Variants in CEP43 observed in about 807,000 individuals in gnomAD.
CEP43 encodes the protein FGFR1 oncogene partner.
Under a neutral mutation model 52.6 loss-of-function variants are expected in CEP43, and 36 were observed. The observed-to-expected ratio is 0.68, with a 90% confidence interval of 0.52 to 0.90. The LOEUF (loss-of-function observed/expected upper bound fraction) is 0.90, where lower values mean the gene tolerates loss of function less well. Among genes scored for constraint, CEP43 ranks in the 40% least tolerant of loss-of-function variants. The pLI is 0.00. For missense variants in CEP43, 506 were observed against 472.8 expected (o/e 1.07, Z -0.65); for synonymous variants, 192 against 172.4 (o/e 1.11, Z -0.89).
Position 167,033,797 on chromosome 6 carries a change from C to G in CEP43, c.1029-78C>G, listed in dbSNP as rs530713365. On this transcript the variant is annotated intron_variant, in intron 11 of 12. Coordinates refer to ENST00000366847, the MANE Select transcript of CEP43 (RefSeq NM_007045.4). ...TTACTTAAAGGATTAAAAGAAATAT[C>G]TGAATGTTTAAAGAATAGTAATCTC... 2.8e-5 allele frequency: 17 copies of G among 607,834 alleles called. No individual in the cohort carries two copies. In the East Asian group the frequency reaches 5.1e-4, roughly 18 times the overall value. The allele number at this position is 607,834 out of a possible 1,614,324, so 37.7% of individuals were successfully genotyped here. A position where few individuals can be genotyped will look rare whatever the true frequency, so the allele number is the denominator to read the frequency against.
Position 167,040,356 on chromosome 6 carries a change from A to G in CEP43, c.*378A>G. 2 of 1,395,534 alleles carry G rather than the reference A, an allele frequency of 1.4e-6. No individual in the cohort carries two copies. Among genetic ancestry groups the G allele is most frequent in the Non-Finnish European group, 1.9e-6 (2 of 1,079,044 alleles). 86.4% of individuals were successfully genotyped at this position (1,395,534 alleles called of 1,614,324 possible). On this transcript the variant is annotated 3_prime_UTR_variant, in exon 13 of 13. Coordinates refer to ENST00000366847, the MANE Select transcript of CEP43 (RefSeq NM_007045.4). ...TGGCTGCTGGTACGTGTGATCTTTGAAAACCTTGGCTTTAGCCCTCTGGAA... is the reference window on the plus strand; with the variant it reads ...TGGCTGCTGGTACGTGTGATCTTTGGAAACCTTGGCTTTAGCCCTCTGGAA...
At chr6:166,999,796 C>CGGG (rs1779686663) in intron 1 of CEP43, 1 of 527,214 alleles carries the variant, frequency 1.9e-6, no homozygotes, top group African/African-American at 2.0e-5. Flanking sequence ...GCCACACGGG[C>CGGG]GGCCCGCAGC....
At chr6:167,016,371 GC>G (rs1311756785) in intron 7 of CEP43, among the ~76,000 whole-genome samples, 2 of 152,150 alleles carry the variant, frequency 1.3e-5, no homozygotes, top group African/African-American at 4.8e-5. Flanking sequence ...GCCCACTTCA[GC>G]CTCTTGGGTA....
At chr6:167,030,958 C>G (rs1411399735) in intron 10 of CEP43, among the ~76,000 whole-genome samples, 1 of 152,060 alleles carries the variant, frequency 6.6e-6, no homozygotes, top group South Asian at 2.1e-4. Context: ...CCCTTCTGAT[C>G]GCCACTCCTT....
chr6:167,047,542 A>G lies in CEP43; in HGVS notation c.*7564A>G, dbSNP rs184935088. ...TTGGCAAGTCACTAGTACTCAGTAA[A>G]TACTATTTTTATTAAGAAGGTAAGA... On this transcript the variant is annotated 3_prime_UTR_variant, in exon 13 of 13. Transcript: ENST00000366847. The G allele has an allele frequency of 2.0e-3, 303 of 152,260 alleles. 1 individual carries two copies. The highest frequency in any genetic ancestry group is 7.1e-3 in the African/African-American group (294 of 41,548). 9.4% of individuals were successfully genotyped at this position (152,260 alleles called of 1,614,324 possible). A position where few individuals can be genotyped will look rare whatever the true frequency, so the allele number is the denominator to read the frequency against.
In CEP43 at chr6:167,032,613, A is replaced by G; in HGVS notation, c.999A>G (p.Glu333=). The G allele has an allele frequency of 7.0e-6, 11 of 1,580,854 alleles. No individual in the cohort carries two copies. The highest frequency in any genetic ancestry group is 9.5e-6 in the Non-Finnish European group (11 of 1,159,822). The change falls in exon 11 of 13, where the codon GAA becomes GAG. Residue 333 remains glutamate (E), a synonymous_variant. Coordinates refer to ENST00000366847, the MANE Select transcript of CEP43 (RefSeq NM_007045.4). The part of the protein sequence containing the change: ...KIGSLGLGTG[E]DDDYVDDFNS... ...TCTTAAACTTATCAGGAACTGGAGA[A>G]GATGATGACTATGTTGATGATTTTA...
At chr6:167,030,536 C>T (rs1780445544) in intron 10 of CEP43, among the ~76,000 whole-genome samples, 1 of 152,144 alleles carries the variant, frequency 6.6e-6, no homozygotes, top group African/African-American at 2.4e-5. Flanking sequence ...CTCCTGACTG[C>T]TTATGATCAG....
intron 12 of CEP43, among the ~76,000 whole-genome samples, chr6:167,034,724 C>T (rs573789202): frequency 6.6e-6 from 1 of 152,190 alleles, no homozygotes; most frequent in African/African-American, 2.4e-5. Flanking sequence ...CAGCAGCATC[C>T]GTGTTTGCAT....
At position 167,051,077 on chromosome 6, in the gene CEP43, G is replaced by C. The variant is rs1486798151; in HGVS notation, c.*11099G>C. 3 of 152,144 alleles carry C rather than the reference G, an allele frequency of 2.0e-5. No individual in the cohort carries two copies. Among genetic ancestry groups the C allele is most frequent in the Non-Finnish European group, 4.4e-5 (3 of 68,030 alleles). The allele number at this position is 152,144 out of a possible 1,614,324, so 9.4% of individuals were successfully genotyped here. ...TTGTGTACTAAGTCAGCTTCTGGGT[G>C]GGGGCCAGAGGACCAGTTGAGCCAA... On this transcript the variant is annotated 3_prime_UTR_variant, in exon 13 of 13. Transcript: ENST00000366847.
At chr6:167,019,794 T>C (rs940462727) in intron 7 of CEP43, among the ~76,000 whole-genome samples, 1 of 152,236 alleles carries the variant, frequency 6.6e-6, no homozygotes, top group South Asian at 2.1e-4. Flanking sequence ...GTTGCTCAGC[T>C]TTGATACTAG....
At chr6:167,005,895 C>T (rs1178202254) in intron 5 of CEP43, among the ~76,000 whole-genome samples, 1 of 152,140 alleles carries the variant, frequency 6.6e-6, no homozygotes, top group Admixed American at 6.5e-5. Context: ...TGCTTTGGCT[C>T]ACCTCATTGC....
Position 167,040,239 on chromosome 6 carries a change from A to G in CEP43, c.*261A>G. 6.6e-7 allele frequency: 1 copy of G among 1,516,034 alleles called. No individual in the cohort carries two copies. Among genetic ancestry groups the G allele is most frequent in the Non-Finnish European group, 8.8e-7 (1 of 1,140,280 alleles). The allele number at this position is 1,516,034 out of a possible 1,614,324, so 93.9% of individuals were successfully genotyped here. A position where few individuals can be genotyped will look rare whatever the true frequency, so the allele number is the denominator to read the frequency against. On this transcript the variant is annotated 3_prime_UTR_variant, in exon 13 of 13. Coordinates refer to ENST00000366847, the MANE Select transcript of CEP43 (RefSeq NM_007045.4). ...AAATTGATTATCTACACTCAGTTTC[A>G]TTACAGGGAAGGAACCCATGAAAAC...
intron 1 of CEP43, 193 bp downstream of exon 1, chr6:166,999,707 C>T (rs941793644): frequency 1.4e-5 from 7 of 487,452 alleles, no homozygotes; most frequent in Non-Finnish European, 2.5e-5. Flanking sequence ...TTCGTGTGGT[C>T]CCGGAGGGCA....
At chr6:166,999,948 C>A in intron 1 of CEP43, 112 bp from the exon 2 acceptor site, 1 of 856,378 alleles carries the variant, frequency 1.2e-6, no homozygotes, top group Non-Finnish European at 1.9e-6. Context: ...CTGACCTTTG[C>A]ACCTGCCCTC....
intron 2 of CEP43, 33 bp from the exon 3 acceptor site, chr6:167,003,160 C>T: frequency 1.0e-6 from 1 of 1,001,638 alleles, no homozygotes; most frequent in South Asian, 1.5e-5. Context: ...TTAGGGTAAA[C>T]ACATGACACT....
rs1780320223 is a variant in CEP43, at chr6:167,024,886, A to T, written c.911A>T (p.Asp304Val). ...SSLAGAPSLK[D>V]SESKRGNTVL... ...CTGGCGGGAGCCCCTTCTTTAAAAG[A>T]CTCTGAGAGTAAGTGCCCAAAGATG... is the stretch of plus-strand genomic sequence containing the variant. The change falls in exon 9 of 13, where the codon GAC becomes GTC. Residue 304 changes from aspartate (D) to valine (V), a missense_variant. Transcript: ENST00000366847. The T allele has an allele frequency of 6.3e-7, 1 of 1,586,114 alleles. No homozygotes were observed. The highest frequency in any genetic ancestry group is 1.3e-5 in the African/African-American group (1 of 74,116).
chr6:167,027,174 A>C (rs1220369109), intron 10 of CEP43, among the ~76,000 whole-genome samples: 1 of 152,224 alleles, frequency 6.6e-6, no homozygotes, highest in Non-Finnish European at 1.5e-5. Flanking sequence ...AGATGTGTTC[A>C]GTTCTGTTCT....
chr6:167,009,190 G>A (rs183588405), intron 5 of CEP43, among the ~76,000 whole-genome samples: 2 of 152,012 alleles, frequency 1.3e-5, no homozygotes, highest in South Asian at 2.1e-4. Context: ...TCAGGAGTAC[G>A]AGACCAGCCT....
rs1780827962 is a variant in CEP43, at chr6:167,048,322, A to C, written c.*8344A>C. The C allele has an allele frequency of 6.6e-6, 1 of 152,130 alleles. No homozygotes were observed. The highest frequency in any genetic ancestry group is 2.4e-5 in the African/African-American group (1 of 41,402). 9.4% of individuals were successfully genotyped at this position (152,130 alleles called of 1,614,324 possible). ...TGCAGGAGGATCATTTGAGCTCAGG[A>C]GTTTGAGACCATTCTGGGCAATACG... On this transcript the variant is annotated 3_prime_UTR_variant, in exon 13 of 13. Coordinates refer to ENST00000366847, the MANE Select transcript of CEP43 (RefSeq NM_007045.4).
Sources: gnomAD v4.1 joint callset for allele counts (sites outside exome capture counted in the v4.1 genomes callset) on GRCh38, gnomAD v4.1.1 for gene constraint, MANE v1.5 for transcripts, NCBI Gene and HGNC (gene_info 2026-07-23, HGNC 2026-07-21) for gene names.